Variants in SLC25A39 observed in about 807,000 individuals in gnomAD.
SLC25A39 encodes the protein mitochondrial glutathione transporter SLC25A39.
A neutral mutation model predicts 46.6 loss-of-function variants in SLC25A39; 44 were observed. The ratio of observed to expected loss-of-function variants is 0.94; its 90% CI spans 0.74 to 1.21. The LOEUF (loss-of-function observed/expected upper bound fraction) is 1.21. SLC25A39 is among the 50% of genes most tolerant of loss of function. The pLI is 0.00. For synonymous variants in SLC25A39, 218 were observed against 190.6 expected, an observed-to-expected ratio of 1.14 and a Z score of -1.19; for missense variants, 487 against 473.0, an observed-to-expected ratio of 1.03 and a Z score of -0.28.
Position 44,321,538 on chromosome 17 carries a change from G to A in SLC25A39, c.413C>T (p.Thr138Ile), listed in dbSNP as rs376891118. 6.2e-6 allele frequency: 10 copies of A among 1,614,062 alleles called. No homozygotes were observed. Among genetic ancestry groups the A allele is most frequent in the Middle Eastern group, 3.3e-4 (2 of 6,062 alleles). The change falls in exon 7 of 12, where the codon ACC (threonine) becomes ATC (isoleucine). Residue 138 changes from threonine to isoleucine, a missense_variant. Physicochemically the swap from Thr to Ile is moderately conservative, Grantham distance 89 (BLOSUM62 -1). Coordinates refer to ENST00000377095, the MANE Select transcript of SLC25A39 (RefSeq NM_001143780.3). ...PATLVMTVPA[T>I]AIYFTAYDQL... ...GTCATAGGCAGTGAAGTAGATGGCG[G>A]TAGCTGGCACAGTCATCACCCTGGG...
Position 44,320,687 on chromosome 17 carries a change from C to T in SLC25A39, c.736G>A (p.Gly246Arg). The T allele has an allele frequency of 2.5e-6, 4 of 1,614,118 alleles. No individual in the cohort carries two copies. Among genetic ancestry groups the T allele is most frequent in the Non-Finnish European group, 3.4e-6 (4 of 1,180,030 alleles). Residue 246 changes from glycine to arginine, a missense_variant, in exon 9 of 12, where the codon GGG (glycine) becomes AGG (arginine). Physicochemically the swap from Gly to Arg is moderately radical, Grantham distance 125 (BLOSUM62 -2). Transcript: ENST00000377095. Reference protein sequence around the residue: ...NYELVKSWLNGFRPKDQTSVG... With the variant: ...NYELVKSWLNRFRPKDQTSVG... ...GAAGTCTGGTCCTTCGGCCTGAACCCATTGAGCCAGCTCTTCACCAGCTCA... is the reference window on the plus strand; with the variant it reads ...GAAGTCTGGTCCTTCGGCCTGAACCTATTGAGCCAGCTCTTCACCAGCTCA...
chr17:44,320,853 G>A (rs2048008573), intron 8 of SLC25A39, 122 bp from the exon 9 acceptor site: 1 of 988,526 alleles, frequency 1.0e-6, no homozygotes, highest in South Asian at 1.6e-5. Context: ...TGCAGGCTCA[G>A]AAGCAGGCAC....
At position 44,322,502 on chromosome 17, in the gene SLC25A39, C is replaced by T. The variant is rs948175193; in HGVS notation, c.241G>A (p.Val81Ile). ...TGKCLLYCNG[V>I]LEPLYLCPNG... Reference sequence around the variant, plus strand: ...GGGCACAGGTACAGAGGCTCCAGGACACCATTGCAATACAGGAGGCACTTC... The same window carrying T: ...GGGCACAGGTACAGAGGCTCCAGGATACCATTGCAATACAGGAGGCACTTC... Residue 81 changes from valine to isoleucine, a missense_variant, in exon 5 of 12, where the codon GTC becomes ATC. By Grantham distance (29) the Val-to-Ile change is conservative. Coordinates refer to ENST00000377095, the MANE Select transcript of SLC25A39 (RefSeq NM_001143780.3). 6.2e-7 allele frequency: 1 copy of T among 1,614,136 alleles called. No individual in the cohort carries two copies. The highest frequency in any genetic ancestry group is 8.5e-7 in the Non-Finnish European group (1 of 1,180,014).
intron 2 of SLC25A39, 56 bp downstream of exon 2, chr17:44,323,422 A>G (rs2048119268): frequency 2.6e-6 from 4 of 1,550,110 alleles, no homozygotes; most frequent in African/African-American, 2.7e-5. Flanking sequence ...CACAGCCTCC[A>G]ATCTCCGGTC....
Position 44,321,165 on chromosome 17 carries a change from G to C in SLC25A39, c.584C>G (p.Ser195Trp). 2.5e-6 allele frequency: 4 copies of C among 1,613,036 alleles called. No individual in the cohort carries two copies. Among genetic ancestry groups the C allele is most frequent in the Non-Finnish European group, 2.5e-6 (3 of 1,179,940 alleles). Reference protein sequence around the residue: ...MRTKLQAQHVSYRELGACVRT... With the variant: ...MRTKLQAQHVWYRELGACVRT... ...AACACAGGCACCCAGCTCCCGGTACGACACATGCTGAGCCTGCAGCTTTGT... is the reference window on the plus strand; with the variant it reads ...AACACAGGCACCCAGCTCCCGGTACCACACATGCTGAGCCTGCAGCTTTGT... The change falls in exon 8 of 12, where the codon TCG becomes TGG. Residue 195 changes from serine to tryptophan, a missense_variant. Transcript: ENST00000377095.
chr17:44,319,793 T>C lies in SLC25A39; in HGVS notation c.*208A>G. On this transcript the variant is annotated 3_prime_UTR_variant, in exon 12 of 12. Transcript: ENST00000377095. ...TTGAACTTGGGGGGTGGGTAAGTGATGATCCCCACGACTGGAGCAGCAGGA... is the reference window on the plus strand; with the variant it reads ...TTGAACTTGGGGGGTGGGTAAGTGACGATCCCCACGACTGGAGCAGCAGGA... The C allele has an allele frequency of 1.8e-6, 1 of 568,758 alleles. No individual in the cohort carries two copies. Among genetic ancestry groups the C allele is most frequent in the Non-Finnish European group, 3.2e-6 (1 of 317,264 alleles). The allele number at this position is 568,758 out of a possible 1,614,324, so 35.2% of individuals were successfully genotyped here. A position where few individuals can be genotyped will look rare whatever the true frequency, so the allele number is the denominator to read the frequency against.
chr17:44,323,440 T>TACCCCCCCCCCCCCCC, intron 2 of SLC25A39, 38 bp downstream of exon 2: 1 of 341,552 alleles, frequency 2.9e-6, no homozygotes, highest in Non-Finnish European at 4.4e-6. Context: ...GTCTGCCCCA[T>TACCCCCCCCCCCCCCC]CCCCACCCGC....
Position 44,320,715 on chromosome 17 carries a change from G to A in SLC25A39, c.708C>T (p.Asn236=). The A allele has an allele frequency of 6.2e-7, 1 of 1,613,902 alleles. No individual in the cohort carries two copies. The highest frequency in any genetic ancestry group is 8.5e-7 in the Non-Finnish European group (1 of 1,179,886). Residue 236 remains asparagine (N), a synonymous_variant, in exon 9 of 12, where the codon AAC becomes AAT. Transcript: ENST00000377095. The part of the protein sequence containing the change: ...DVPFSALYWF[N]YELVKSWLNG... The stretch of plus-strand genomic sequence containing the variant: ...TGAGCCAGCTCTTCACCAGCTCATA[G>A]TTGAACCAGTACAGGGCTTGGGGTG...
rs971206968 is a variant in SLC25A39 at position 44,319,741 on chromosome 17, C to T, written c.*260G>A. 20 of 492,988 alleles carry T rather than the reference C, an allele frequency of 4.1e-5. No homozygotes were observed. The highest frequency in any genetic ancestry group is 2.5e-4 in the African/African-American group (13 of 51,456). 30.5% of individuals were successfully genotyped at this position (492,988 alleles called of 1,614,324 possible). On this transcript the variant is annotated 3_prime_UTR_variant, in exon 12 of 12. Transcript: ENST00000377095. The stretch of plus-strand genomic sequence containing the variant: ...CAGCTACAGCAAACACAGGGAAACA[C>T]GAAGGGGGCAGCTGGAAGATTTGGT...
In SLC25A39 at chr17:44,321,764, C is replaced by T. The variant is rs369927846; in HGVS notation, c.328G>A (p.Ala110Thr). ...TCGTGCCTCACGATCTTCACGAAGG[C>T]ATCCTGGCCAAGCAGGCACCAGCCC... ...DPTRFTGTMD[A>T]FVKIVRHEGT... The change falls in exon 6 of 12, where the codon GCC (alanine) becomes ACC (threonine). Residue 110 changes from alanine (A) to threonine (T), a missense_variant. Ala to Thr is a moderately conservative substitution (Grantham distance 58). Transcript: ENST00000377095. The T allele has an allele frequency of 3.7e-6, 6 of 1,611,338 alleles. No individual in the cohort carries two copies. Among genetic ancestry groups the T allele is most frequent in the East Asian group, 4.5e-5 (2 of 44,826 alleles).
In SLC25A39 at chr17:44,321,478, G is replaced by T. The variant is rs764207268; in HGVS notation, c.473C>A (p.Thr158Asn). ...LKAFLCGRAL[T>N]SDLYAPMVAG... is the part of the protein sequence containing the mutation. The stretch of plus-strand genomic sequence containing the variant: ...CACCATGGGTGCGTAGAGGTCAGAG[G>T]TCAGGGCTCGACCACACAGGAAGGC... The change falls in exon 7 of 12, where the codon ACC becomes AAC. Residue 158 changes from threonine to asparagine, a missense_variant. Transcript: ENST00000377095. 1.2e-6 allele frequency: 2 copies of T among 1,614,082 alleles called. No individual in the cohort carries two copies. Among genetic ancestry groups the T allele is most frequent in the Non-Finnish European group, 1.7e-6 (2 of 1,180,006 alleles).
At position 44,320,403 on chromosome 17, in the gene SLC25A39, C is replaced by G; in HGVS notation, c.835G>C (p.Val279Leu). The change falls in exon 10 of 12, where the codon GTA becomes CTA. Residue 279 changes from valine to leucine, a missense_variant. By Grantham distance (32) the Val-to-Leu change is conservative. Transcript: ENST00000377095. ...AAVLTLPFDV[V>L]KTQRQVALGA... Reference sequence around the variant, plus strand: ...AGAGCGACCTGGCGTTGGGTCTTTACCACGTCAAAGGGTAGAGTCAGCACT... The same window carrying G: ...AGAGCGACCTGGCGTTGGGTCTTTAGCACGTCAAAGGGTAGAGTCAGCACT... 6.2e-7 allele frequency: 1 copy of G among 1,613,618 alleles called. No homozygotes were observed. The highest frequency in any genetic ancestry group is 1.1e-5 in the South Asian group (1 of 91,090).
intron 3 of SLC25A39, 28 bp from the exon 4 acceptor site, chr17:44,322,880 A>T: frequency 1.2e-6 from 2 of 1,613,422 alleles, no homozygotes; most frequent in Non-Finnish European, 1.7e-6. Flanking sequence ...CCCTCAAGTC[A>T]GGAGAGCCCC....
intron 4 of SLC25A39, 122 bp downstream of exon 4, chr17:44,322,686 T>A: frequency 6.4e-7 from 1 of 1,557,754 alleles, no homozygotes; most frequent in South Asian, 1.2e-5. Context: ...CAGGACTGGC[T>A]GGCAGGACCT....
chr17:44,321,688 C>G lies in SLC25A39; in HGVS notation c.392+12G>C, dbSNP rs372133505. 25 of 1,610,412 alleles carry G rather than the reference C, an allele frequency of 1.6e-5. No homozygotes were observed. The African/African-American group carries it at 2.8e-4, about 18-fold the overall frequency. ...GTACCAGAGGAGAGTGGTGCAGGAC[C>G]CGGCTACTCACAGGGTGGCGGGGAG... On this transcript the variant is annotated intron_variant, in intron 6 of 11. Transcript: ENST00000377095.
At chr17:44,322,281 T>G in intron 5 of SLC25A39, 138 bp downstream of exon 5, 1 of 882,016 alleles carries the variant, frequency 1.1e-6, no homozygotes, top group Non-Finnish European at 1.8e-6. Flanking sequence ...AGGTACTGCC[T>G]TCTCCGGAAG....
rs1380133858 is a variant in SLC25A39, at chr17:44,321,528, G to A, written c.423C>T (p.Tyr141=). 1.2e-6 allele frequency: 2 copies of A among 1,613,980 alleles called. No individual in the cohort carries two copies. The highest frequency in any genetic ancestry group is 2.2e-5 in the East Asian group (1 of 44,898). ...CCTTCAGTTGGTCATAGGCAGTGAA[G>A]TAGATGGCGGTAGCTGGCACAGTCA... is the stretch of plus-strand genomic sequence containing the variant. ...LVMTVPATAI[Y]FTAYDQLKAF... The change falls in exon 7 of 12, where the codon TAC becomes TAT. Residue 141 remains tyrosine, a synonymous_variant. Transcript: ENST00000377095.
intron 7 of SLC25A39, 57 bp downstream of exon 7, chr17:44,321,377 C>T (rs1480411331): frequency 5.6e-6 from 9 of 1,610,506 alleles, no homozygotes; most frequent in Non-Finnish European, 7.6e-6. Flanking sequence ...CTGGGACTGA[C>T]TGGGTTTGGG....
In SLC25A39 at chr17:44,320,378, A is replaced by C; in HGVS notation, c.860T>G (p.Leu287Arg). The C allele has an allele frequency of 1.2e-6, 2 of 1,613,592 alleles. No individual in the cohort carries two copies. ...ACCTCTCACAGCCTCCATCGCTCCC[A>C]GAGCGACCTGGCGTTGGGTCTTTAC... ...DVVKTQRQVA[L>R]GAMEAVRVNP... The change falls in exon 10 of 12, where the codon CTG (leucine) becomes CGG (arginine). Residue 287 changes from leucine to arginine, a missense_variant. Physicochemically the swap from Leu to Arg is moderately radical, Grantham distance 102 (BLOSUM62 -2). Coordinates refer to ENST00000377095, the MANE Select transcript of SLC25A39 (RefSeq NM_001143780.3).
Sources: gnomAD v4.1 joint callset for allele counts on GRCh38, gnomAD v4.1.1 for gene constraint, MANE v1.5 for transcripts, NCBI Gene and HGNC (gene_info 2026-07-23, HGNC 2026-07-21) for gene names.